Variants in ADAM10 observed in about 807,000 individuals in gnomAD.
The protein encoded by ADAM10 is disintegrin and metalloproteinase domain-containing protein 10.
A neutral mutation model predicts 90.1 loss-of-function variants in ADAM10; 17 were observed. That is an observed-to-expected ratio of 0.19 (90% CI 0.13 to 0.28). The LOEUF (loss-of-function observed/expected upper bound fraction) is 0.28, where lower values mean the gene tolerates loss of function less well. ADAM10 is among the 10% of genes least tolerant of loss of function. The probability of loss-of-function intolerance (pLI) is 1.00; values close to 1 mark genes in which losing one functional copy is unlikely to be tolerated. For missense variants in ADAM10, 610 were observed against 914.3 expected (o/e 0.67, Z 4.29); for synonymous variants, 310 against 298.6 (o/e 1.04, Z -0.40).
intron 10 of ADAM10, among the ~76,000 whole-genome samples, chr15:58,622,917 T>C (rs1379000732): frequency 2.0e-5 from 3 of 152,252 alleles, no homozygotes; most frequent in East Asian, 1.9e-4. Flanking sequence ...CTAGGGACCA[T>C]ATATCCCAGT....
chr15:58,651,326 G>T (rs1290054611), intron 5 of ADAM10, among the ~76,000 whole-genome samples: 1 of 152,018 alleles, frequency 6.6e-6, no homozygotes, highest in South Asian at 2.1e-4. Flanking sequence ...GCCCTGCTGT[G>T]CTTTCAAATA....
chr15:58,649,781 T>C (rs1213786473), intron 5 of ADAM10, among the ~76,000 whole-genome samples: 1 of 152,192 alleles, frequency 6.6e-6, no homozygotes, highest in Non-Finnish European at 1.5e-5. Flanking sequence ...GTAAAGCATT[T>C]ATCCTGCCCT....
chr15:58,722,728 T>TTC (rs1393881426), intron 1 of ADAM10, among the ~76,000 whole-genome samples: 1 of 139,576 alleles, frequency 7.2e-6, no homozygotes, highest in East Asian at 2.0e-4. Context: ...TTTGAGAACT[T>TTC]TTTTTTTTTT....
intron 11 of ADAM10, among the ~76,000 whole-genome samples, chr15:58,618,816 G>T (rs1354262557): frequency 6.6e-6 from 1 of 151,982 alleles, no homozygotes; most frequent in Admixed American, 6.6e-5. Context: ...GATACACCCA[G>T]TAAAAATGAC....
intron 8 of ADAM10, among the ~76,000 whole-genome samples, chr15:58,635,980 A>G (rs1896239654): frequency 1.3e-5 from 2 of 152,164 alleles, no homozygotes; most frequent in African/African-American, 4.8e-5. Flanking sequence ...TATCGCTTAT[A>G]TGAAAGTTTA....
intron 10 of ADAM10, among the ~76,000 whole-genome samples, chr15:58,625,971 G>A (rs12917577): frequency 0.14 from 21,170 of 149,574 alleles, 1,773 homozygotes; most frequent in East Asian, 0.36. Context: ...TACATATGGA[G>A]AACAGGGTAG....
intron 2 of ADAM10, among the ~76,000 whole-genome samples, chr15:58,701,058 G>C (rs1410419928): frequency 9.7e-6 from 1 of 103,002 alleles, no homozygotes; most frequent in Non-Finnish European, 2.3e-5. Flanking sequence ...CAACAAAACA[G>C]ACACTCAAAA....
Position 58,596,427 on chromosome 15 carries a change from A to G in ADAM10, c.*1120T>C, listed in dbSNP as rs1418872340. The G allele has an allele frequency of 6.6e-6, 1 of 152,634 alleles. No homozygotes were observed. The highest frequency in any genetic ancestry group is 1.5e-5 in the Non-Finnish European group (1 of 68,010). 9.5% of individuals were successfully genotyped at this position (152,634 alleles called of 1,614,324 possible). A position where few individuals can be genotyped will look rare whatever the true frequency, so the allele number is the denominator to read the frequency against. On this transcript the variant is annotated 3_prime_UTR_variant, in exon 16 of 16. Transcript: ENST00000260408. ...TAGGAAAAAAAATGTCAGAAGGCCT[A>G]TCTACAATTTTAACTACTACTTAAG...
rs1285351938 is a variant in ADAM10, at chr15:58,592,784, A to G, written c.*4763T>C. 1 of 150,250 alleles carries G rather than the reference A, an allele frequency of 6.7e-6. No individual in the cohort carries two copies. Among genetic ancestry groups the G allele is most frequent in the Non-Finnish European group, 1.5e-5 (1 of 67,630 alleles). 9.3% of individuals were successfully genotyped at this position (150,250 alleles called of 1,614,324 possible). On this transcript the variant is annotated 3_prime_UTR_variant, in exon 16 of 16. Transcript: ENST00000260408. ...ATATATATATATATTAAATCGTGGT[A>G]GTATAACTTGGTACATCTATCTGGG...
intron 2 of ADAM10, chr15:58,691,724 C>G (rs1369477392): frequency 5.8e-6 from 2 of 346,550 alleles, no homozygotes; most frequent in Admixed American, 4.1e-5. Context: ...TCTTCTGTCG[C>G]CCAGGCTTAG....
Position 58,633,308 on chromosome 15 carries a change from T to C in ADAM10, c.1064A>G (p.Lys355Arg), listed in dbSNP as rs1277336500. 9.9e-6 allele frequency: 16 copies of C among 1,613,544 alleles called. No homozygotes were observed. Among genetic ancestry groups the C allele is most frequent in the Middle Eastern group, 1.6e-4 (1 of 6,080 alleles). The change falls in exon 9 of 16, where the codon AAG becomes AGG. Residue 355 changes from lysine to arginine, a missense_variant. Around this residue, in one of 4 missense-constraint regions of ADAM10, gnomAD observed 97 missense variants for 221.4 expected, o/e 0.44. Transcript: ENST00000260408. ...AATAATTCCAGTGTTTAAGGACTTCTTCTTACCATCTGAATAGAGTTTACT... is the reference window on the plus strand; with the variant it reads ...AATAATTCCAGTGTTTAAGGACTTCCTCTTACCATCTGAATAGAGTTTACT... The part of the protein sequence containing the change: ...EKSKLYSDGK[K>R]KSLNTGIITV...
intron 4 of ADAM10, among the ~76,000 whole-genome samples, chr15:58,678,700 A>G (rs556139288): frequency 6.6e-6 from 1 of 152,346 alleles, no homozygotes; most frequent in East Asian, 1.9e-4. Flanking sequence ...AATGGACTTA[A>G]AAATTACAAA....
intron 5 of ADAM10, among the ~76,000 whole-genome samples, chr15:58,649,364 C>A (rs2140702203): frequency 6.6e-6 from 1 of 152,180 alleles, no homozygotes; most frequent in East Asian, 1.9e-4. Context: ...AAATATATAC[C>A]ACCCTACAAG....
At chr15:58,626,684 G>C (rs1417835349) in intron 10 of ADAM10, among the ~76,000 whole-genome samples, 1 of 152,110 alleles carries the variant, frequency 6.6e-6, no homozygotes, top group African/African-American at 2.4e-5. Flanking sequence ...AAAATATTAT[G>C]CTAAGTGAAA....
intron 5 of ADAM10, among the ~76,000 whole-genome samples, chr15:58,659,159 G>A (rs1896908023): frequency 6.6e-6 from 1 of 151,936 alleles, no homozygotes. Flanking sequence ...TGTAATCCCA[G>A]CTACTCAGGA....
intron 9 of ADAM10, 119 bp downstream of exon 9, chr15:58,633,077 G>T: frequency 2.1e-6 from 2 of 968,184 alleles, no homozygotes; most frequent in Non-Finnish European, 3.2e-6. Flanking sequence ...ACTGTGCTCT[G>T]ACATAAAAAC....
chr15:58,651,350 ATTCT>A (rs1896682984), intron 5 of ADAM10, among the ~76,000 whole-genome samples: 1 of 152,088 alleles, frequency 6.6e-6, no homozygotes, highest in Non-Finnish European at 1.5e-5. Flanking sequence ...GGTCTTATTC[ATTCT>A]TTCTAACATG....
At chr15:58,709,933 A>T (rs908552989) in intron 2 of ADAM10, among the ~76,000 whole-genome samples, 12 of 152,130 alleles carry the variant, frequency 7.9e-5, no homozygotes, top group Middle Eastern at 3.2e-3. Flanking sequence ...AAACAACAAC[A>T]ACAACAAAAA....
intron 3 of ADAM10, among the ~76,000 whole-genome samples, chr15:58,679,818 G>C (rs1026637245): frequency 2.6e-5 from 4 of 152,160 alleles, no homozygotes; most frequent in African/African-American, 9.6e-5. Flanking sequence ...TGAGGCAGAA[G>C]AATCACTTGA....
Sources: allele counts gnomAD v4.1 joint callset (sites outside exome capture counted in the v4.1 genomes callset), GRCh38; gene constraint gnomAD v4.1.1; regional missense constraint gnomAD v4.1.1; transcripts MANE v1.5; gene names NCBI Gene and HGNC (gene_info 2026-07-23, HGNC 2026-07-21).